MAF: variants seen among roughly 807,000 people sequenced by gnomAD.
MAF encodes MAF bZIP transcription factor.
A neutral mutation model predicts 22.0 loss-of-function variants in MAF; 10 were observed. The ratio of observed to expected loss-of-function variants is 0.45; its 90% CI spans 0.28 to 0.77. The LOEUF is 0.77. Ranked by LOEUF, MAF falls within the 30% of genes least tolerant of loss-of-function variation. The probability of loss-of-function intolerance (pLI) is 0.12; values close to 1 mark genes in which losing one functional copy is unlikely to be tolerated. For synonymous variants in MAF, 337 were observed against 255.8 expected (o/e 1.32, Z -3.03); for missense variants, 544 against 548.4 (o/e 0.99, Z 0.08).
At chr16:79,289,013 A>C in the MAF span, among the ~76,000 whole-genome samples, 4 of 152,242 alleles carry the variant, frequency 2.6e-5, no homozygotes, top group Admixed American at 2.0e-4. Context: ...TACAGGCGTA[A>C]GCCACTGCAC....
At chr16:79,425,696 T>C in the MAF span, among the ~76,000 whole-genome samples, 1 of 150,678 alleles carries the variant, frequency 6.6e-6, no homozygotes, top group Admixed American at 6.6e-5. Context: ...AGTCTCCCTC[T>C]TTTTTTCTGA....
At chr16:79,483,505 C>A in the MAF span, among the ~76,000 whole-genome samples, 3 of 151,228 alleles carry the variant, frequency 2.0e-5, no homozygotes, top group African/African-American at 7.3e-5. Context: ...GTTAAATTAA[C>A]GTGAAGTGCT....
chr16:79,210,047 T>C, the MAF span, among the ~76,000 whole-genome samples: 1 of 152,174 alleles, frequency 6.6e-6, no homozygotes, highest in Admixed American at 6.5e-5. Flanking sequence ...TCATGTCAGT[T>C]ATTCAAATTC....
the MAF span, among the ~76,000 whole-genome samples, chr16:79,326,640 G>A: frequency 1.3e-4 from 20 of 152,168 alleles, no homozygotes; most frequent in Admixed American, 1.0e-3. Flanking sequence ...GATCACATAC[G>A]GTTTCTGTTG....
At chr16:79,569,726 G>A in the MAF span, among the ~76,000 whole-genome samples, 9 of 152,252 alleles carry the variant, frequency 5.9e-5, no homozygotes, top group South Asian at 1.9e-3. Context: ...TACCACCCCA[G>A]GATTATTTAA....
the MAF span, among the ~76,000 whole-genome samples, chr16:79,535,635 G>C: frequency 7.3e-6 from 1 of 137,484 alleles, no homozygotes; most frequent in South Asian, 2.3e-4. Flanking sequence ...TGTCGCCCAG[G>C]CTGGAGTGCA....
At chr16:79,489,363 A>G in the MAF span, among the ~76,000 whole-genome samples, 57,464 of 151,922 alleles carry the variant, frequency 0.38, 12,909 homozygotes, top group Middle Eastern at 0.5. Context: ...CCATCCATCT[A>G]TCCATCCATC....
the MAF span, among the ~76,000 whole-genome samples, chr16:79,282,277 C>A: frequency 6.6e-6 from 1 of 152,126 alleles, no homozygotes; most frequent in Non-Finnish European, 1.5e-5. Flanking sequence ...ATCCATGGCC[C>A]AGGCATTAAG....
downstream of MAF, among the ~76,000 whole-genome samples, chr16:79,584,506 T>C (rs1912722258): frequency 6.6e-6 from 1 of 152,234 alleles, no homozygotes; most frequent in South Asian, 2.1e-4. Context: ...AGTAACCTTA[T>C]ATGAAATATT....
the MAF span, among the ~76,000 whole-genome samples, chr16:79,309,717 C>T: frequency 6.6e-6 from 1 of 152,110 alleles, no homozygotes; most frequent in Admixed American, 6.5e-5. Context: ...AAACTTCCAC[C>T]ATAAATTACG....
chr16:79,496,678 T>G, the MAF span, among the ~76,000 whole-genome samples: 7 of 152,238 alleles, frequency 4.6e-5, no homozygotes, highest in African/African-American at 1.7e-4. Context: ...CTCTTCATAA[T>G]GCAGATGGCA....
the MAF span, among the ~76,000 whole-genome samples, chr16:79,570,563 A>G: frequency 6.6e-6 from 1 of 151,942 alleles, no homozygotes; most frequent in African/African-American, 2.4e-5. Context: ...TACATTTGAT[A>G]CTCCTGTGTT....
chr16:79,412,263 TA>T, the MAF span, among the ~76,000 whole-genome samples: 11 of 152,124 alleles, frequency 7.2e-5, no homozygotes, highest in African/African-American at 2.7e-4. Context: ...TGTGTTCAGA[TA>T]AAGGGCCAGT....
the MAF span, among the ~76,000 whole-genome samples, chr16:79,506,969 T>C: frequency 2.6e-5 from 4 of 152,214 alleles, no homozygotes; most frequent in Admixed American, 2.6e-4. Context: ...TACTTTGTGC[T>C]CATTCCTTCT....
the MAF span, among the ~76,000 whole-genome samples, chr16:79,413,253 T>G: frequency 1.2e-5 from 1 of 85,164 alleles, no homozygotes; most frequent in African/African-American, 5.1e-5. Flanking sequence ...TTTTTTTTTT[T>G]TTTTTTTGAG....
chr16:79,250,439 T>G, the MAF span, among the ~76,000 whole-genome samples: 23,448 of 152,250 alleles, frequency 0.15, 2,813 homozygotes, highest in African/African-American at 0.33. Context: ...TTTTTGGCAC[T>G]TGGCTCTTTA....
At chr16:79,217,546 C>T in the MAF span, among the ~76,000 whole-genome samples, 3 of 152,218 alleles carry the variant, frequency 2.0e-5, no homozygotes, top group East Asian at 1.9e-4. Flanking sequence ...GCCCTCTCTC[C>T]TGTTCTGACT....
chr16:79,423,240 T>C, the MAF span, among the ~76,000 whole-genome samples: 1 of 152,200 alleles, frequency 6.6e-6, no homozygotes, highest in Admixed American at 6.5e-5. Flanking sequence ...CTGGGTGTCC[T>C]GTTTTTCATT....
chr16:79,294,189 T>C, the MAF span, among the ~76,000 whole-genome samples: 3 of 152,204 alleles, frequency 2.0e-5, no homozygotes, highest in South Asian at 6.2e-4. Flanking sequence ...GGGTCATTCT[T>C]TGAATATCAA....
Sources: gnomAD v4.1 joint callset for allele counts (sites outside exome capture counted in the v4.1 genomes callset) on GRCh38, gnomAD v4.1.1 for gene constraint, MANE v1.5 for transcripts, NCBI Gene and HGNC (gene_info 2026-07-23, HGNC 2026-07-21) for gene names.